Variants in SDK1 observed in about 807,000 individuals in gnomAD.
SDK1 encodes the protein protein sidekick-1.
A neutral mutation model predicts 245.5 loss-of-function variants in SDK1; 157 were observed. The ratio of observed to expected loss-of-function variants is 0.64; its 90% CI spans 0.56 to 0.73. The LOEUF (loss-of-function observed/expected upper bound fraction) is 0.73. Among genes scored for constraint, SDK1 ranks in the 30% least tolerant of loss-of-function variants. SDK1 has a pLI of 0.00. For missense variants in SDK1, 3,583 were observed against 3,002.3 expected (o/e 1.19, Z -4.52); for synonymous variants, 1,647 against 1,278.5 (o/e 1.29, Z -6.15).
intron 5 of SDK1, among the ~76,000 whole-genome samples, chr7:3,851,521 G>C (rs1189363728): frequency 4.6e-5 from 7 of 151,940 alleles, no homozygotes; most frequent in Non-Finnish European, 1.0e-4. Flanking sequence ...GCTATATTTT[G>C]AAAATACCAG....
intron 1 of SDK1, among the ~76,000 whole-genome samples, chr7:3,557,842 A>G (rs1487867549): frequency 1.3e-5 from 2 of 152,158 alleles, no homozygotes; most frequent in African/African-American, 4.8e-5. Context: ...GTTCTCATTC[A>G]CACGTCTGCA....
intron 1 of SDK1, among the ~76,000 whole-genome samples, chr7:3,500,028 C>A (rs977650384): frequency 6.6e-6 from 1 of 152,090 alleles, no homozygotes; most frequent in African/African-American, 2.4e-5. Context: ...GACAAGTAGC[C>A]ATAGGAGTCC....
chr7:4,104,034 G>T (rs371923242), intron 22 of SDK1, among the ~76,000 whole-genome samples: 2 of 152,220 alleles, frequency 1.3e-5, no homozygotes, highest in Non-Finnish European at 2.9e-5. Context: ...CCCCTGGGCC[G>T]GAGTTTGCTG....
intron 5 of SDK1, among the ~76,000 whole-genome samples, chr7:3,871,553 G>A (rs984700644): frequency 1.2e-4 from 19 of 152,202 alleles, no homozygotes; most frequent in African/African-American, 3.9e-4. Context: ...CAGGAAGCAC[G>A]GTGCCAGCCT....
intron 5 of SDK1, among the ~76,000 whole-genome samples, chr7:3,912,440 C>T (rs774170407): frequency 6.6e-5 from 10 of 152,200 alleles, no homozygotes; most frequent in Non-Finnish European, 1.5e-4. Context: ...ACCAGCGTGC[C>T]ACAGAGTGTG....
intron 1 of SDK1, among the ~76,000 whole-genome samples, chr7:3,415,398 T>G (rs539594503): frequency 6.6e-6 from 1 of 152,186 alleles, no homozygotes; most frequent in South Asian, 2.1e-4. Flanking sequence ...GTTATATCTA[T>G]ATGTAATCTC....
chr7:3,469,981 C>G (rs551090976), intron 1 of SDK1, among the ~76,000 whole-genome samples: 1 of 152,080 alleles, frequency 6.6e-6, no homozygotes, highest in Non-Finnish European at 1.5e-5. Flanking sequence ...TTATTTCACC[C>G]GAGACACAAA....
chr7:3,914,428 C>T (rs1470180908), intron 5 of SDK1, among the ~76,000 whole-genome samples: 1 of 152,180 alleles, frequency 6.6e-6, no homozygotes, highest in Admixed American at 6.5e-5. Flanking sequence ...GCATTGAAAT[C>T]ACAGCGAGAT....
intron 5 of SDK1, among the ~76,000 whole-genome samples, chr7:3,908,740 T>G (rs192786325): frequency 0.011 from 1,610 of 152,296 alleles, 20 homozygotes; most frequent in Middle Eastern, 0.027. Flanking sequence ...GAATACATGA[T>G]AAATTTATTT....
intron 32 of SDK1, among the ~76,000 whole-genome samples, chr7:4,171,233 G>A (rs780467456): frequency 5.3e-5 from 8 of 152,178 alleles, no homozygotes; most frequent in Non-Finnish European, 7.3e-5. Flanking sequence ...GTCTGCCGCC[G>A]CCTCGGGTAC....
chr7:4,110,168 C>CT (rs1352746435), intron 22 of SDK1, among the ~76,000 whole-genome samples: 1 of 152,162 alleles, frequency 6.6e-6, no homozygotes, highest in African/African-American at 2.4e-5. Flanking sequence ...CGTGGGCCAG[C>CT]AATGGTGTCT....
At chr7:3,625,534 A>C (rs749321843) in intron 2 of SDK1, among the ~76,000 whole-genome samples, 6 of 152,208 alleles carry the variant, frequency 3.9e-5, no homozygotes, top group Non-Finnish European at 8.8e-5. Flanking sequence ...GGAAGGAAGC[A>C]CCAGTGCAGG....
chr7:3,693,827 A>G (rs1190551404), intron 4 of SDK1, among the ~76,000 whole-genome samples: 3 of 152,042 alleles, frequency 2.0e-5, no homozygotes, highest in Non-Finnish European at 4.4e-5. Context: ...AGCTATGTAT[A>G]CTGAAGCTGC....
At chr7:3,338,817 G>T (rs1429811372) in intron 1 of SDK1, among the ~76,000 whole-genome samples, 1 of 152,054 alleles carries the variant, frequency 6.6e-6, no homozygotes, top group African/African-American at 2.4e-5. Context: ...CCTTAGAGCA[G>T]CCATTATGAA....
intron 4 of SDK1, among the ~76,000 whole-genome samples, chr7:3,738,636 A>AT (rs1298522872): frequency 2.6e-5 from 4 of 152,202 alleles, no homozygotes; most frequent in Non-Finnish European, 4.4e-5. Flanking sequence ...AAGTATTGAC[A>AT]TCGTAATAAT....
intron 1 of SDK1, among the ~76,000 whole-genome samples, chr7:3,536,534 C>A (rs1050880215): frequency 4.0e-5 from 6 of 151,752 alleles, no homozygotes; most frequent in Non-Finnish European, 7.4e-5. Context: ...AACAAAAAAA[C>A]CCCACAAAAA....
chr7:3,307,076 G>T (rs1311369688), intron 1 of SDK1, among the ~76,000 whole-genome samples: 1 of 152,114 alleles, frequency 6.6e-6, no homozygotes, highest in Non-Finnish European at 1.5e-5. Flanking sequence ...ACAAAAGAAA[G>T]CTATTGATGT....
In SDK1 at chr7:3,811,228, C is replaced by G. The variant is rs954822126; in HGVS notation, c.714-10222C>G. Among the ~76,000 whole-genome samples the G allele has an allele frequency of 2.0e-4, 30 of 152,146 alleles. 1 individual carries two copies. Among genetic ancestry groups the G allele is most frequent in the Admixed American group, 1.4e-3 (22 of 15,274 alleles). On this transcript the variant is annotated intron_variant, in intron 4 of 44. Coordinates refer to ENST00000404826, the MANE Select transcript of SDK1 (RefSeq NM_152744.4). ...ATCCCCATTTTACAGATGAGAAAGC[C>G]AAGTGATGAGCCTGTGGGAGTAAAA...
intron 5 of SDK1, among the ~76,000 whole-genome samples, chr7:3,841,384 C>T (rs563736254): frequency 6.6e-6 from 1 of 152,268 alleles, no homozygotes; most frequent in Non-Finnish European, 1.5e-5. Flanking sequence ...TGCAGAGTTG[C>T]AGCTCAGGGC....
Sources: allele counts gnomAD v4.1 joint callset (sites outside exome capture counted in the v4.1 genomes callset), GRCh38; gene constraint gnomAD v4.1.1; transcripts MANE v1.5; gene names NCBI Gene and HGNC (gene_info 2026-07-23, HGNC 2026-07-21).